Variants in LNPEP observed in about 807,000 individuals in gnomAD.
LNPEP encodes the protein leucyl and cystinyl aminopeptidase.
Under a neutral mutation model 120.6 loss-of-function variants are expected in LNPEP, and 64 were observed. The ratio of observed to expected loss-of-function variants is 0.53; its 90% confidence interval spans 0.43 to 0.65. The LOEUF (loss-of-function observed/expected upper bound fraction) is 0.65, where lower values mean the gene tolerates loss of function less well. Ranked by LOEUF, LNPEP falls within the 30% of genes least tolerant of loss-of-function variation. The probability of loss-of-function intolerance (pLI) is 0.00; values close to 1 mark genes in which losing one functional copy is unlikely to be tolerated. For synonymous variants in LNPEP, 435 were observed against 425.4 expected, an observed-to-expected ratio of 1.02 and a Z score of -0.28; for missense variants, 1,057 against 1,200.0, an observed-to-expected ratio of 0.88 and a Z score of 1.76.
At chr5:96,958,920 C>T (rs1292772810) in intron 1 of LNPEP, 1 of 150,864 alleles carries the variant, frequency 6.6e-6, no homozygotes, top group Non-Finnish European at 1.5e-5. Flanking sequence ...TATCTGCCTC[C>T]TAGGTTCAAG....
chr5:97,014,601 TG>T (rs1283661949), intron 12 of LNPEP, among the ~76,000 whole-genome samples: 1 of 152,148 alleles, frequency 6.6e-6, no homozygotes, highest in Non-Finnish European at 1.5e-5. Flanking sequence ...CTCTCTTTCC[TG>T]GCAAATATAA....
intron 8 of LNPEP, among the ~76,000 whole-genome samples, chr5:97,000,236 G>A (rs1474221378): frequency 6.6e-6 from 1 of 152,222 alleles, no homozygotes; most frequent in East Asian, 1.9e-4. Context: ...AAGCCCTCCT[G>A]TATGGTGACA....
chr5:97,011,362 A>G (rs1336902617), intron 11 of LNPEP: 1 of 179,404 alleles, frequency 5.6e-6, no homozygotes, highest in Non-Finnish European at 1.1e-5. Flanking sequence ...CCTCCTGAGT[A>G]GCTGGGACTA....
intron 1 of LNPEP, among the ~76,000 whole-genome samples, chr5:96,944,985 C>T (rs757481114): frequency 5.3e-5 from 8 of 151,968 alleles, no homozygotes; most frequent in Non-Finnish European, 1.0e-4. Context: ...TCATGGAGAC[C>T]AGGGTTCTTA....
intron 1 of LNPEP, among the ~76,000 whole-genome samples, chr5:96,938,526 C>G (rs1561423868): frequency 6.6e-6 from 1 of 152,202 alleles, no homozygotes; most frequent in Non-Finnish European, 1.5e-5. Flanking sequence ...TAGCTTATAT[C>G]TTGTCACTCT....
chr5:97,004,032 G>A (rs1216391951), intron 9 of LNPEP, among the ~76,000 whole-genome samples: 3 of 152,064 alleles, frequency 2.0e-5, no homozygotes, highest in Non-Finnish European at 4.4e-5. Context: ...ATTATCCTTG[G>A]ATGATTTTGC....
At chr5:96,987,794 A>G (rs1249053790) in intron 4 of LNPEP, among the ~76,000 whole-genome samples, 1 of 152,230 alleles carries the variant, frequency 6.6e-6, no homozygotes, top group Non-Finnish European at 1.5e-5. Flanking sequence ...TCAAAAGGAT[A>G]TTATAACTGG....
chr5:96,956,483 A>G (rs942551531), intron 1 of LNPEP, among the ~76,000 whole-genome samples: 1 of 152,128 alleles, frequency 6.6e-6, no homozygotes, highest in Non-Finnish European at 1.5e-5. Context: ...ATGCCACTTC[A>G]CTCCAGCCTG....
chr5:96,989,502 A>AC (rs1790347037), intron 4 of LNPEP, among the ~76,000 whole-genome samples: 1 of 148,728 alleles, frequency 6.7e-6, no homozygotes, highest in African/African-American at 2.5e-5. Context: ...CTCAGTGTTA[A>AC]CCTTCTTTGA....
intron 14 of LNPEP, among the ~76,000 whole-genome samples, chr5:97,023,830 A>G (rs1002348102): frequency 6.6e-6 from 1 of 152,230 alleles, no homozygotes; most frequent in Non-Finnish European, 1.5e-5. Context: ...CAGCTGCACC[A>G]TCATTCCAAT....
At position 97,027,512 on chromosome 5, in the gene LNPEP, C is replaced by T. The variant is rs181387390; in HGVS notation, c.2865-221C>T. On this transcript the variant is annotated intron_variant, in intron 16 of 17. Transcript: ENST00000231368. ...CAGTGTGATCTTCGACAATGTTAAGCGGATTAATTGTCTGCATGTTCTGAA... is the reference window on the plus strand; with the variant it reads ...CAGTGTGATCTTCGACAATGTTAAGTGGATTAATTGTCTGCATGTTCTGAA... Among the ~76,000 whole-genome samples the T allele has an allele frequency of 7.2e-5, 11 of 152,216 alleles. No homozygotes were observed. In the East Asian group the frequency reaches 1.3e-3, roughly 19 times the overall value.
intron 1 of LNPEP, chr5:96,937,535 T>C (rs1186926454): frequency 6.6e-6 from 1 of 152,238 alleles, no homozygotes; most frequent in Admixed American, 6.5e-5. Context: ...TCTAGTACTT[T>C]AGTGTAAAAT....
In LNPEP at chr5:97,032,138, C is replaced by G. The variant is rs1174174373; in HGVS notation, c.*3605C>G. On this transcript the variant is annotated 3_prime_UTR_variant, in exon 18 of 18. Coordinates refer to ENST00000231368, the MANE Select transcript of LNPEP (RefSeq NM_005575.3). ...CTAGATGTGGATTTTGTTACTTAGG[C>G]CTCTCTAAAAACTGAGGCCATGGAT... The G allele has an allele frequency of 1.3e-5, 2 of 152,174 alleles. No individual in the cohort carries two copies. Among genetic ancestry groups the G allele is most frequent in the Admixed American group, 6.5e-5 (1 of 15,278 alleles). 9.4% of individuals were successfully genotyped at this position (152,174 alleles called of 1,614,324 possible).
rs781727347 is a variant in LNPEP at position 97,008,337 on chromosome 5, G to GTTTTTT, written c.2035+1848_2035+1853dup. On this transcript the variant is annotated intron_variant, in intron 11 of 17. Coordinates refer to ENST00000231368, the MANE Select transcript of LNPEP (RefSeq NM_005575.3). ...TTGATTTTTTTGTTTGTTTTTTCTT[G>GTTTTTT]TTTTTTTTTTTTTTTTTTTTTTTTT... Among the ~76,000 whole-genome samples the GTTTTTT allele has an allele frequency of 7.2e-3, 431 of 59,844 alleles. 32 individuals are homozygous for GTTTTTT. Among genetic ancestry groups the GTTTTTT allele is most frequent in the Non-Finnish European group, 9.0e-3 (315 of 34,902 alleles). 39.3% of individuals were successfully genotyped at this position (59,844 alleles called of 152,430 possible).
At chr5:96,958,962 A>T (rs1789535555) in intron 1 of LNPEP, among the ~76,000 whole-genome samples, 1 of 150,064 alleles carries the variant, frequency 6.7e-6, no homozygotes, top group Non-Finnish European at 1.5e-5. Flanking sequence ...CCGAGTAGGG[A>T]TTACAGGCAC....
At chr5:97,021,416 C>T (rs983043937) in intron 13 of LNPEP, among the ~76,000 whole-genome samples, 2 of 152,124 alleles carry the variant, frequency 1.3e-5, no homozygotes, top group African/African-American at 4.8e-5. Flanking sequence ...AACTATTCTT[C>T]CCTGCAGGTC....
rs73775599 is a variant in LNPEP at position 96,979,384 on chromosome 5, G to A, written c.266G>A (p.Arg89Gln). The A allele has an allele frequency of 6.3e-5, 101 of 1,614,036 alleles. No individual in the cohort carries two copies. The African/African-American group carries it at 1.1e-3, about 17-fold the overall frequency. The change falls in exon 2 of 18, where the codon CGG (arginine) becomes CAG (glutamine). Residue 89 changes from arginine to glutamine, a missense_variant. Coordinates refer to ENST00000231368, the MANE Select transcript of LNPEP (RefSeq NM_005575.3). Reference protein sequence around the residue: ...MSFMNRSSGLRNSATGYRQSP... With the variant: ...MSFMNRSSGLQNSATGYRQSP... ...TTCATGAATAGAAGCTCAGGCCTTCGGAACAGTGCAACTGGTTACAGGCAG... is the reference window on the plus strand; with the variant it reads ...TTCATGAATAGAAGCTCAGGCCTTCAGAACAGTGCAACTGGTTACAGGCAG...
At chr5:96,960,605 G>C (rs544888427) in intron 1 of LNPEP, among the ~76,000 whole-genome samples, 2 of 152,118 alleles carry the variant, frequency 1.3e-5, no homozygotes, top group African/African-American at 2.4e-5. Context: ...TTCCTTTTAT[G>C]ATGACCATAA....
At chr5:96,973,654 T>TA (rs1221602073) in intron 1 of LNPEP, among the ~76,000 whole-genome samples, 1 of 152,156 alleles carries the variant, frequency 6.6e-6, no homozygotes, top group Non-Finnish European at 1.5e-5. Flanking sequence ...ATGCAAATAT[T>TA]ACAGCATTCT....
Sources: allele counts gnomAD v4.1 joint callset (sites outside exome capture counted in the v4.1 genomes callset), GRCh38; gene constraint gnomAD v4.1.1; transcripts MANE v1.5; gene names NCBI Gene and HGNC (gene_info 2026-07-23, HGNC 2026-07-21).